Variants in MICAL2 observed in about 807,000 individuals in gnomAD.
MICAL2 encodes the protein microtubule associated monooxygenase, calponin and LIM domain containing 2.
In MICAL2, 77 loss-of-function variants were observed where a neutral mutation model predicts 127.3. The ratio of observed to expected loss-of-function variants is 0.60; its 90% CI spans 0.50 to 0.73. The LOEUF (loss-of-function observed/expected upper bound fraction) is 0.73. Ranked by LOEUF, MICAL2 falls within the 30% of genes least tolerant of loss-of-function variation. The pLI is 0.00. For synonymous variants in MICAL2, 570 were observed against 551.1 expected, an observed-to-expected ratio of 1.03 and a Z score of -0.48; for missense variants, 1,351 against 1,434.4, an observed-to-expected ratio of 0.94 and a Z score of 0.94.
chr11:12,215,141 T>A (rs1204402676), intron 7 of MICAL2, among the ~76,000 whole-genome samples: 1 of 152,212 alleles, frequency 6.6e-6, no homozygotes, highest in Non-Finnish European at 1.5e-5. Context: ...AATAAATACT[T>A]AAGCCACTCA....
intron 30 of MICAL2, among the ~76,000 whole-genome samples, chr11:12,320,104 A>G (rs1014081641): frequency 8.5e-5 from 13 of 152,234 alleles, no homozygotes; most frequent in African/African-American, 3.1e-4. Flanking sequence ...ATGTGGTCCA[A>G]CAAGCAAACC....
At chr11:12,298,794 C>A (rs556632295) in intron 29 of MICAL2, among the ~76,000 whole-genome samples, 1 of 151,918 alleles carries the variant, frequency 6.6e-6, no homozygotes, top group Non-Finnish European at 1.5e-5. Flanking sequence ...CGAATTATAT[C>A]GTAGATTTAT....
chr11:12,233,524 C>T (rs768703602), intron 15 of MICAL2, among the ~76,000 whole-genome samples: 12 of 152,148 alleles, frequency 7.9e-5, no homozygotes, highest in East Asian at 1.9e-4. Context: ...CACATTAACT[C>T]GGGCAGTATG....
At chr11:12,257,065 C>A in intron 24 of MICAL2, 94 bp downstream of exon 24, 1 of 1,259,920 alleles carries the variant, frequency 7.9e-7, no homozygotes, top group Non-Finnish European at 1.1e-6. Flanking sequence ...CTCTAGGACA[C>A]CCAAACATAC....
At chr11:12,357,112 C>T (rs1939141105) in intron 34 of MICAL2, among the ~76,000 whole-genome samples, 1 of 152,182 alleles carries the variant, frequency 6.6e-6, no homozygotes, top group Non-Finnish European at 1.5e-5. Flanking sequence ...GTCTCCCTTT[C>T]ATCAGACCTA....
At chr11:12,203,176 G>T (rs1854245039) in intron 3 of MICAL2, among the ~76,000 whole-genome samples, 1 of 152,168 alleles carries the variant, frequency 6.6e-6, no homozygotes, top group African/African-American at 2.4e-5. Flanking sequence ...TGGCCATTTA[G>T]GTTGCTTTTA....
At chr11:12,346,502 C>T (rs1380566094) in intron 32 of MICAL2, among the ~76,000 whole-genome samples, 2 of 152,266 alleles carry the variant, frequency 1.3e-5, no homozygotes, top group Admixed American at 6.5e-5. Flanking sequence ...TGATCTCTGG[C>T]GTACATACTT....
intron 29 of MICAL2, among the ~76,000 whole-genome samples, chr11:12,318,398 T>C (rs1864254917): frequency 6.6e-6 from 1 of 152,240 alleles, no homozygotes; most frequent in Non-Finnish European, 1.5e-5. Context: ...ACCTGAGCTT[T>C]CCATCTGGCA....
intron 1 of MICAL2, among the ~76,000 whole-genome samples, chr11:12,119,166 C>G (rs892962985): frequency 6.6e-6 from 1 of 152,156 alleles, no homozygotes; most frequent in African/African-American, 2.4e-5. Context: ...CCCTCCTCCC[C>G]TCGTGAACAG....
chr11:12,141,771 A>C (rs536987405), intron 2 of MICAL2, among the ~76,000 whole-genome samples: 1 of 152,346 alleles, frequency 6.6e-6, no homozygotes, highest in Admixed American at 6.5e-5. Flanking sequence ...CAAGTTGGCC[A>C]ACCCTTGTGA....
intron 21 of MICAL2, among the ~76,000 whole-genome samples, chr11:12,246,234 C>T (rs1044254405): frequency 2.0e-5 from 3 of 152,252 alleles, no homozygotes; most frequent in Admixed American, 6.5e-5. Flanking sequence ...AGCCACTAAG[C>T]GTGTCCCCAT....
At chr11:12,226,947 C>G (rs1188020674) in intron 14 of MICAL2, 78 bp from the exon 15 acceptor site, 5 of 1,170,506 alleles carry the variant, frequency 4.3e-6, no homozygotes, top group Middle Eastern at 1.9e-4. Context: ...GCCACCACAC[C>G]CAGCCAACAC....
chr11:12,331,339 C>G (rs1590740871), intron 32 of MICAL2, among the ~76,000 whole-genome samples: 1 of 152,166 alleles, frequency 6.6e-6, no homozygotes, highest in East Asian at 1.9e-4. Flanking sequence ...TCCCTTATAG[C>G]TTTACCAGCT....
At chr11:12,219,459 C>T (rs1017126714) in intron 8 of MICAL2, among the ~76,000 whole-genome samples, 1 of 129,946 alleles carries the variant, frequency 7.7e-6, no homozygotes, top group African/African-American at 2.9e-5. Flanking sequence ...ACCTGGGAGG[C>T]GGAGGTTGCA....
At chr11:12,163,826 G>C (rs1445134696) in intron 3 of MICAL2, 2 of 152,180 alleles carry the variant, frequency 1.3e-5, no homozygotes, top group South Asian at 2.1e-4. Flanking sequence ...AGGAGGGGAA[G>C]CTTTTAGCTT....
intron 2 of MICAL2, among the ~76,000 whole-genome samples, chr11:12,159,808 A>T (rs955130483): frequency 2.0e-5 from 3 of 152,222 alleles, no homozygotes; most frequent in Non-Finnish European, 4.4e-5. Context: ...AACATTGCAC[A>T]TGGGGAAAGT....
chr11:12,315,929 A>G (rs1244287015), intron 29 of MICAL2, among the ~76,000 whole-genome samples: 1 of 152,118 alleles, frequency 6.6e-6, no homozygotes, highest in Non-Finnish European at 1.5e-5. Flanking sequence ...TTAATATTTA[A>G]TTAATCAAGC....
chr11:12,224,565 G>A (rs1807229389), intron 12 of MICAL2, 108 bp from the exon 13 acceptor site: 1 of 1,473,344 alleles, frequency 6.8e-7, no homozygotes, highest in Non-Finnish European at 9.2e-7. Context: ...CCTTGCCTTG[G>A]GGCCGCTCGT....
At chr11:12,358,157 G>T in intron 34 of MICAL2, 1 of 791,514 alleles carries the variant, frequency 1.3e-6, no homozygotes, top group Non-Finnish European at 2.0e-6. Flanking sequence ...GCGGTTCCTT[G>T]GTGTTAAATT....
Sources: allele counts gnomAD v4.1 joint callset (sites outside exome capture counted in the v4.1 genomes callset), GRCh38; gene constraint gnomAD v4.1.1; transcripts MANE v1.5; gene names NCBI Gene and HGNC (gene_info 2026-07-23, HGNC 2026-07-21).